PRKCB: variants seen among roughly 807,000 people sequenced by gnomAD.
The protein encoded by PRKCB is protein kinase C beta type.
A neutral mutation model predicts 81.5 loss-of-function variants in PRKCB; 13 were observed. The observed-to-expected ratio is 0.16, with a 90% CI of 0.10 to 0.25. PRKCB has a LOEUF of 0.25. Among genes scored for constraint, PRKCB ranks in the 10% least tolerant of loss-of-function variants. The pLI, the probability that PRKCB is intolerant of heterozygous loss-of-function variation, is 1.00. For missense variants in PRKCB, 509 were observed against 875.7 expected, an observed-to-expected ratio of 0.58 and a Z score of 5.29; for synonymous variants, 335 against 321.4, an observed-to-expected ratio of 1.04 and a Z score of -0.45.
chr16:23,850,028 C>T (rs754221404), intron 2 of PRKCB, among the ~76,000 whole-genome samples: 4 of 152,166 alleles, frequency 2.6e-5, no homozygotes, highest in East Asian at 1.9e-4. Flanking sequence ...TCTATGACTA[C>T]GACTTTATTA....
intron 8 of PRKCB, among the ~76,000 whole-genome samples, chr16:24,116,590 G>A (rs993173224): frequency 1.3e-5 from 2 of 152,148 alleles, no homozygotes; most frequent in African/African-American, 4.8e-5. Flanking sequence ...CAGTGACCTT[G>A]ATAACAGAGG....
intron 3 of PRKCB, among the ~76,000 whole-genome samples, chr16:24,030,131 C>T (rs1159889091): frequency 6.6e-6 from 1 of 152,176 alleles, no homozygotes; most frequent in African/African-American, 2.4e-5. Context: ...CTCCTGGCCT[C>T]AAGTGATCCT....
chr16:23,837,909 T>C (rs1481199774), intron 2 of PRKCB, among the ~76,000 whole-genome samples: 1 of 152,226 alleles, frequency 6.6e-6, no homozygotes, highest in Non-Finnish European at 1.5e-5. Context: ...CCTCTCTCTC[T>C]GAAAGAAGTA....
intron 9 of PRKCB, among the ~76,000 whole-genome samples, chr16:24,144,284 G>T (rs74532767): frequency 6.6e-6 from 1 of 152,110 alleles, no homozygotes; most frequent in East Asian, 1.9e-4. Flanking sequence ...ACATACACGT[G>T]TATTTACTAT....
At chr16:23,883,116 T>G (rs1049085447) in intron 2 of PRKCB, among the ~76,000 whole-genome samples, 1 of 152,024 alleles carries the variant, frequency 6.6e-6, no homozygotes, top group Non-Finnish European at 1.5e-5. Context: ...TCCATGGAGC[T>G]GATATTCAGC....
At chr16:24,132,793 CTT>C (rs1432096678) in intron 9 of PRKCB, among the ~76,000 whole-genome samples, 2 of 29,272 alleles carry the variant, frequency 6.8e-5, no homozygotes, top group African/African-American at 2.0e-4. Context: ...TTTTTTTTTT[CTT>C]CTAGAGACAG....
intron 5 of PRKCB, among the ~76,000 whole-genome samples, chr16:24,072,635 G>A (rs570450642): frequency 5.4e-4 from 81 of 151,208 alleles, no homozygotes; most frequent in African/African-American, 1.7e-3. Flanking sequence ...AGGCTGGAGT[G>A]CAATGGCATG....
At chr16:23,850,049 A>G (rs1280801528) in intron 2 of PRKCB, among the ~76,000 whole-genome samples, 1 of 152,154 alleles carries the variant, frequency 6.6e-6, no homozygotes, top group Non-Finnish European at 1.5e-5. Context: ...GATTCCACAT[A>G]TACGTGAGAT....
At chr16:24,199,714 C>T (rs1266481754) in intron 16 of PRKCB, among the ~76,000 whole-genome samples, 1 of 152,184 alleles carries the variant, frequency 6.6e-6, no homozygotes, top group East Asian at 1.9e-4. Flanking sequence ...CCATGAATTG[C>T]CTCATTTAAT....
intron 2 of PRKCB, among the ~76,000 whole-genome samples, chr16:23,957,182 A>C (rs1964361039): frequency 6.6e-6 from 1 of 152,154 alleles, no homozygotes; most frequent in African/African-American, 2.4e-5. Flanking sequence ...AAATAGGTCC[A>C]GTAGATAATG....
At chr16:24,087,668 G>A (rs540158174) in intron 5 of PRKCB, among the ~76,000 whole-genome samples, 2 of 152,282 alleles carry the variant, frequency 1.3e-5, no homozygotes, top group African/African-American at 4.8e-5. Flanking sequence ...TATGAAAGCA[G>A]CACAATTATT....
intron 12 of PRKCB, among the ~76,000 whole-genome samples, chr16:24,177,577 A>G (rs1359367995): frequency 6.6e-6 from 1 of 152,222 alleles, no homozygotes; most frequent in African/African-American, 2.4e-5. Flanking sequence ...CTTACTCAAG[A>G]CCTTGAATCA....
At chr16:23,874,273 G>A (rs1035835014) in intron 2 of PRKCB, among the ~76,000 whole-genome samples, 4 of 152,198 alleles carry the variant, frequency 2.6e-5, no homozygotes, top group Non-Finnish European at 2.9e-5. Flanking sequence ...CACCTAGTCC[G>A]TGTGCCTTAT....
At chr16:24,195,368 G>T (rs570906652) in intron 16 of PRKCB, among the ~76,000 whole-genome samples, 8 of 152,218 alleles carry the variant, frequency 5.3e-5, no homozygotes, top group African/African-American at 1.7e-4. Context: ...AAGGCCCATG[G>T]TGAGCGTGTG....
chr16:24,195,982 C>A (rs936419918), intron 16 of PRKCB, among the ~76,000 whole-genome samples: 83 of 152,174 alleles, frequency 5.5e-4, no homozygotes, highest in African/African-American at 1.9e-3. Context: ...GCCCCCTGAT[C>A]CCCACCGTGC....
intron 3 of PRKCB, among the ~76,000 whole-genome samples, chr16:24,018,675 G>A (rs1596513975): frequency 6.6e-6 from 1 of 152,192 alleles, no homozygotes; most frequent in Non-Finnish European, 1.5e-5. Flanking sequence ...GAATAATTAC[G>A]TATTCGCCAA....
intron 2 of PRKCB, among the ~76,000 whole-genome samples, chr16:23,966,739 G>A (rs1964492021): frequency 6.6e-6 from 1 of 152,188 alleles, no homozygotes; most frequent in Admixed American, 6.5e-5. Flanking sequence ...AAGGCTGTCT[G>A]AAAGGGGAAC....
At chr16:23,964,761 T>G (rs1395735667) in intron 2 of PRKCB, among the ~76,000 whole-genome samples, 2 of 151,064 alleles carry the variant, frequency 1.3e-5, no homozygotes, top group Non-Finnish European at 2.9e-5. Context: ...CTCTGCCTCC[T>G]GGGGTTCAAG....
chr16:24,205,301 A>C (rs1968028789), intron 16 of PRKCB, among the ~76,000 whole-genome samples: 1 of 151,762 alleles, frequency 6.6e-6, no homozygotes. Context: ...ACAGGCATGC[A>C]CCACCATGCC....
Sources: allele counts gnomAD v4.1 joint callset (sites outside exome capture counted in the v4.1 genomes callset), GRCh38; gene constraint gnomAD v4.1.1; transcripts MANE v1.5; gene names NCBI Gene and HGNC (gene_info 2026-07-23, HGNC 2026-07-21).